The following ALK variants were observed in gnomAD, a reference collection of about 807,000 sequenced individuals.
ALK encodes ALK tyrosine kinase receptor.
A neutral mutation model predicts 163.1 loss-of-function variants in ALK; 74 were observed. The observed-to-expected ratio is 0.45, with a 90% CI of 0.38 to 0.55. The LOEUF is 0.55. ALK is among the 20% of genes least tolerant of loss of function. The pLI is 0.00. For missense variants in ALK, 2,063 were observed against 2,105.3 expected (o/e 0.98, Z 0.39); for synonymous variants, 960 against 843.2 (o/e 1.14, Z -2.40).
intron 4 of ALK, among the ~76,000 whole-genome samples, chr2:29,499,371 T>C (rs1025354460): frequency 6.6e-6 from 1 of 152,148 alleles, no homozygotes; most frequent in Admixed American, 6.5e-5. Context: ...TAATTTTTTG[T>C]ATTTTTAGTA....
At chr2:29,344,907 G>A (rs1667900686) in intron 5 of ALK, among the ~76,000 whole-genome samples, 1 of 152,176 alleles carries the variant, frequency 6.6e-6, no homozygotes, top group South Asian at 2.1e-4. Context: ...AGGAACAGAT[G>A]ATGCCATGCT....
intron 1 of ALK, among the ~76,000 whole-genome samples, chr2:29,791,508 T>A (rs1016733316): frequency 6.6e-6 from 1 of 152,118 alleles, no homozygotes; most frequent in Non-Finnish European, 1.5e-5. Context: ...GAGATAGCAT[T>A]AGGATAAATA....
chr2:29,517,608 ACT>A (rs1462605596), intron 4 of ALK, among the ~76,000 whole-genome samples: 1 of 152,064 alleles, frequency 6.6e-6, no homozygotes, highest in African/African-American at 2.4e-5. Context: ...TGGTGTTGCC[ACT>A]CTCTCCAATT....
At chr2:29,471,935 G>T (rs1203750480) in intron 4 of ALK, among the ~76,000 whole-genome samples, 2 of 152,126 alleles carry the variant, frequency 1.3e-5, no homozygotes, top group Non-Finnish European at 2.9e-5. Flanking sequence ...TAGAGATGGG[G>T]TTTTACCATG....
At chr2:29,565,165 C>A (rs957962372) in intron 3 of ALK, among the ~76,000 whole-genome samples, 2 of 152,216 alleles carry the variant, frequency 1.3e-5, no homozygotes, top group African/African-American at 4.8e-5. Context: ...CCCTCTGTGG[C>A]AGAAGATTTA....
At chr2:29,436,380 C>G (rs970727701) in intron 4 of ALK, among the ~76,000 whole-genome samples, 1 of 152,212 alleles carries the variant, frequency 6.6e-6, no homozygotes, top group Non-Finnish European at 1.5e-5. Flanking sequence ...GCTTCCTAAT[C>G]ACTTCCCAGT....
chr2:29,292,661 G>A (rs1392683646), intron 9 of ALK, among the ~76,000 whole-genome samples: 5 of 152,198 alleles, frequency 3.3e-5, no homozygotes, highest in Admixed American at 2.0e-4. Flanking sequence ...GCATTTATCT[G>A]TATTCAGAGG....
chr2:29,788,608 G>A (rs2148355710), intron 1 of ALK, among the ~76,000 whole-genome samples: 1 of 152,280 alleles, frequency 6.6e-6, no homozygotes, highest in Non-Finnish European at 1.5e-5. Flanking sequence ...GATGCAGACT[G>A]AATTTCTGGG....
At chr2:29,482,409 G>A (rs1671683905) in intron 4 of ALK, among the ~76,000 whole-genome samples, 2 of 152,210 alleles carry the variant, frequency 1.3e-5, no homozygotes, top group Non-Finnish European at 2.9e-5. Context: ...CAAGGTGAAG[G>A]AGAACTGAGG....
At chr2:29,558,536 G>T (rs1456199289) in intron 3 of ALK, among the ~76,000 whole-genome samples, 1 of 152,010 alleles carries the variant, frequency 6.6e-6, no homozygotes, top group Non-Finnish European at 1.5e-5. Context: ...CCAAGCCTTT[G>T]CACACACCCC....
chr2:29,417,881 G>A (rs1013769629), intron 4 of ALK, among the ~76,000 whole-genome samples: 1 of 152,156 alleles, frequency 6.6e-6, no homozygotes, highest in Non-Finnish European at 1.5e-5. Flanking sequence ...AGACCCGAAC[G>A]CATTTACCCT....
intron 5 of ALK, among the ~76,000 whole-genome samples, chr2:29,368,369 A>G (rs540161087): frequency 1.3e-5 from 2 of 152,342 alleles, no homozygotes; most frequent in African/African-American, 4.8e-5. Flanking sequence ...CATCTCTGAA[A>G]AGCAACACTC....
chr2:29,197,176 C>T (rs1327701111), intron 27 of ALK, among the ~76,000 whole-genome samples: 1 of 152,152 alleles, frequency 6.6e-6, no homozygotes, highest in East Asian at 1.9e-4. Context: ...TGAGGGGTGC[C>T]AGGCAGGGCA....
At chr2:29,388,331 T>G (rs1405474336) in intron 4 of ALK, among the ~76,000 whole-genome samples, 2 of 152,220 alleles carry the variant, frequency 1.3e-5, no homozygotes, top group African/African-American at 4.8e-5. Context: ...AACATCATAC[T>G]TTGCTTCTGT....
intron 3 of ALK, among the ~76,000 whole-genome samples, chr2:29,556,001 C>T (rs953788319): frequency 1.2e-4 from 19 of 152,250 alleles, no homozygotes; most frequent in East Asian, 5.8e-4. Context: ...CTCAAGGATC[C>T]GAACATTCAA....
At chr2:29,650,696 C>A (rs939209179) in intron 3 of ALK, among the ~76,000 whole-genome samples, 3 of 152,070 alleles carry the variant, frequency 2.0e-5, no homozygotes, top group Admixed American at 6.6e-5. Context: ...GTGACAGTAA[C>A]CATACCCGAT....
intron 2 of ALK, among the ~76,000 whole-genome samples, chr2:29,716,721 C>T (rs1003761569): frequency 2.0e-5 from 3 of 152,090 alleles, no homozygotes; most frequent in African/African-American, 4.8e-5. Flanking sequence ...CTCTTCATGT[C>T]GGATGCTGTT....
At chr2:29,668,872 G>T (rs562833445) in intron 3 of ALK, among the ~76,000 whole-genome samples, 3 of 152,176 alleles carry the variant, frequency 2.0e-5, no homozygotes, top group African/African-American at 4.8e-5. Flanking sequence ...CATCTTACTT[G>T]GTGGCAGGCA....
At chr2:29,888,691 T>C (rs1183433160) in intron 1 of ALK, among the ~76,000 whole-genome samples, 1 of 152,222 alleles carries the variant, frequency 6.6e-6, no homozygotes, top group Non-Finnish European at 1.5e-5. Flanking sequence ...AAATTTGATA[T>C]ATGTCCATGA....
Sources: allele counts gnomAD v4.1 joint callset (sites outside exome capture counted in the v4.1 genomes callset), GRCh38; gene constraint gnomAD v4.1.1; transcripts MANE v1.5; gene names NCBI Gene and HGNC (gene_info 2026-07-23, HGNC 2026-07-21).